GSTCD: variants seen among roughly 807,000 people sequenced by gnomAD.
The protein encoded by GSTCD is glutathione S-transferase C-terminal domain-containing protein.
Under a neutral mutation model 68.3 loss-of-function variants are expected in GSTCD, and 44 were observed. The observed-to-expected ratio is 0.64, with a 90% confidence interval of 0.51 to 0.83. The LOEUF is 0.83. Among genes scored for constraint, GSTCD ranks in the 40% least tolerant of loss-of-function variants. GSTCD has a pLI of 0.00. For missense variants in GSTCD, 739 were observed against 735.9 expected (o/e 1.00, Z -0.05); for synonymous variants, 273 against 255.2 (o/e 1.07, Z -0.67).
chr4:105,717,853 G>T lies in GSTCD; in HGVS notation c.240G>T (p.Glu80Asp), dbSNP rs777619504. ...DVEIQIISRQELPPIVQNCCL... is the reference protein window; with the variant it reads ...DVEIQIISRQDLPPIVQNCCL... ...AAATACAGATTATTTCAAGGCAGGA[G>T]CTCCCACCAATAGTCCAAAATTGCT... is the stretch of plus-strand genomic sequence containing the variant. Residue 80 changes from glutamate (E) to aspartate (D), a missense_variant, in exon 2 of 12, where the codon GAG becomes GAT. By Grantham distance (45) the Glu-to-Asp change is conservative. Transcript: ENST00000515279. 1 of 1,614,108 alleles carries T rather than the reference G, an allele frequency of 6.2e-7. No individual in the cohort carries two copies. The highest frequency in any genetic ancestry group is 1.3e-5 in the African/African-American group (1 of 75,046).
chr4:105,839,354 G>C (rs904218132), intron 10 of GSTCD, among the ~76,000 whole-genome samples: 7 of 152,212 alleles, frequency 4.6e-5, no homozygotes, highest in African/African-American at 1.7e-4. Flanking sequence ...TGAGAAAACA[G>C]CCCAGGTGCA....
chr4:105,837,427 C>T (rs1476491646), intron 9 of GSTCD, among the ~76,000 whole-genome samples: 29 of 152,196 alleles, frequency 1.9e-4, no homozygotes, highest in Admixed American at 1.9e-3. Context: ...GCCTCCTGAC[C>T]TATACTGGTG....
At chr4:105,709,790 T>C (rs561233327) in intron 1 of GSTCD, among the ~76,000 whole-genome samples, 1 of 152,302 alleles carries the variant, frequency 6.6e-6, no homozygotes, top group Non-Finnish European at 1.5e-5. Context: ...ATTTCTATTT[T>C]ACCTAAGCTT....
chr4:105,794,295 G>A (rs1420964269), intron 5 of GSTCD, among the ~76,000 whole-genome samples: 1 of 151,998 alleles, frequency 6.6e-6, no homozygotes, highest in Non-Finnish European at 1.5e-5. Flanking sequence ...AGGATATTTA[G>A]GGCAATGAAC....
intron 5 of GSTCD, among the ~76,000 whole-genome samples, chr4:105,746,071 C>T (rs189809690): frequency 2.6e-5 from 4 of 152,192 alleles, no homozygotes; most frequent in Non-Finnish European, 5.9e-5. Context: ...GGGTTAGGGT[C>T]GCTGACTCCC....
intron 5 of GSTCD, among the ~76,000 whole-genome samples, chr4:105,816,852 C>G (rs941347208): frequency 1.3e-5 from 2 of 151,972 alleles, no homozygotes; most frequent in African/African-American, 2.4e-5. Context: ...TGTCTTTGAA[C>G]AAGTGCAAAG....
intron 7 of GSTCD, 35 bp from the exon 8 acceptor site, chr4:105,825,637 A>G: frequency 8.3e-7 from 1 of 1,210,406 alleles, no homozygotes; most frequent in African/African-American, 1.5e-5. Context: ...GAATTATGTT[A>G]CTAAATATAC....
At chr4:105,720,822 ACTT>A (rs1339807670) in intron 3 of GSTCD, among the ~76,000 whole-genome samples, 7 of 152,180 alleles carry the variant, frequency 4.6e-5, no homozygotes, top group African/African-American at 1.7e-4. Flanking sequence ...TGTCTTCTTG[ACTT>A]CTTTGGATAA....
At chr4:105,729,309 C>A in intron 4 of GSTCD, 97 bp from the exon 5 acceptor site, 1 of 578,978 alleles carries the variant, frequency 1.7e-6, no homozygotes, top group Non-Finnish European at 2.9e-6. Context: ...ATTTATCCTC[C>A]TCCTTACCAA....
chr4:105,795,824 T>G (rs1167649135), intron 5 of GSTCD, among the ~76,000 whole-genome samples: 2 of 152,146 alleles, frequency 1.3e-5, no homozygotes, highest in African/African-American at 4.8e-5. Flanking sequence ...GTATTTTAGC[T>G]TCCCTTGTCG....
chr4:105,717,854 C>T lies in GSTCD; in HGVS notation c.241C>T (p.Leu81Phe). The T allele has an allele frequency of 6.2e-7, 1 of 1,614,070 alleles. No homozygotes were observed. Among genetic ancestry groups the T allele is most frequent in the Non-Finnish European group, 8.5e-7 (1 of 1,179,974 alleles). The part of the protein sequence containing the change: ...VEIQIISRQE[L>F]PPIVQNCCLP... ...AATACAGATTATTTCAAGGCAGGAG[C>T]TCCCACCAATAGTCCAAAATTGCTG... Residue 81 changes from leucine to phenylalanine, a missense_variant, in exon 2 of 12, where the codon CTC becomes TTC. Leu to Phe is a conservative substitution (Grantham distance 22). Coordinates refer to ENST00000515279, the MANE Select transcript of GSTCD (RefSeq NM_001370181.1).
At chr4:105,808,719 C>T (rs1322889056) in intron 5 of GSTCD, among the ~76,000 whole-genome samples, 1 of 151,974 alleles carries the variant, frequency 6.6e-6, no homozygotes, top group East Asian at 1.9e-4. Context: ...CAACTGTGGC[C>T]CAAAAATATT....
At chr4:105,798,369 C>A (rs557454943) in intron 5 of GSTCD, among the ~76,000 whole-genome samples, 1 of 151,936 alleles carries the variant, frequency 6.6e-6, no homozygotes, top group Admixed American at 6.6e-5. Context: ...GTGACCTCCT[C>A]CTGTGAATTA....
intron 5 of GSTCD, among the ~76,000 whole-genome samples, chr4:105,795,124 C>T (rs558576184): frequency 1.2e-4 from 18 of 152,186 alleles, no homozygotes; most frequent in Admixed American, 5.9e-4. Context: ...GATCCACCCA[C>T]GTTGACCTCC....
At chr4:105,806,667 G>T (rs1722514877) in intron 5 of GSTCD, among the ~76,000 whole-genome samples, 1 of 152,040 alleles carries the variant, frequency 6.6e-6, no homozygotes, top group African/African-American at 2.4e-5. Flanking sequence ...AGTCAACTTA[G>T]TGTATATAAG....
intron 5 of GSTCD, among the ~76,000 whole-genome samples, chr4:105,795,359 TTTG>T (rs1735843412): frequency 2.0e-5 from 3 of 151,206 alleles, no homozygotes; most frequent in Non-Finnish European, 4.4e-5. Context: ...TAGTAGTGCT[TTTG>T]TTCTGATTAA....
At chr4:105,741,207 C>G (rs1733619344) in intron 5 of GSTCD, among the ~76,000 whole-genome samples, 1 of 151,822 alleles carries the variant, frequency 6.6e-6, no homozygotes, top group Non-Finnish European at 1.5e-5. Context: ...TTCTGTTAAT[C>G]AAGGAAATAA....
intron 5 of GSTCD, among the ~76,000 whole-genome samples, chr4:105,811,889 G>A (rs1419243483): frequency 6.6e-6 from 1 of 152,138 alleles, no homozygotes; most frequent in Non-Finnish European, 1.5e-5. Flanking sequence ...GGAGGATGAT[G>A]AGTGGATGAT....
intron 5 of GSTCD, among the ~76,000 whole-genome samples, chr4:105,757,444 C>T (rs1017711779): frequency 6.6e-6 from 1 of 152,110 alleles, no homozygotes; most frequent in African/African-American, 2.4e-5. Context: ...TTGAATGTTC[C>T]TGTGGGTGGA....
Sources: gnomAD v4.1 joint callset for allele counts (sites outside exome capture counted in the v4.1 genomes callset) on GRCh38, gnomAD v4.1.1 for gene constraint, MANE v1.5 for transcripts, NCBI Gene and HGNC (gene_info 2026-07-23, HGNC 2026-07-21) for gene names.